The following PTPN21 variants were observed in gnomAD, a reference collection of about 807,000 sequenced individuals.
PTPN21 encodes the protein tyrosine-protein phosphatase non-receptor type 21.
In PTPN21, 77 loss-of-function variants were observed where a neutral mutation model predicts 131.8. That is an observed-to-expected ratio of 0.58 (90% CI 0.49 to 0.71). The LOEUF is 0.71. Ranked by LOEUF, PTPN21 falls within the 30% of genes least tolerant of loss-of-function variation. PTPN21 has a pLI of 0.00. For missense variants in PTPN21, 1,552 were observed against 1,527.1 expected (o/e 1.02, Z -0.27); for synonymous variants, 715 against 621.3 (o/e 1.15, Z -2.24).
intron 6 of PTPN21, among the ~76,000 whole-genome samples, chr14:88,501,938 T>C (rs572987417): frequency 9.9e-5 from 15 of 151,714 alleles, no homozygotes; most frequent in South Asian, 6.3e-4. Context: ...TGAGCTATGA[T>C]CGCTCCACTG....
chr14:88,538,952 A>T (rs1232857897), intron 2 of PTPN21, among the ~76,000 whole-genome samples: 7 of 152,220 alleles, frequency 4.6e-5, no homozygotes, highest in Non-Finnish European at 8.8e-5. Flanking sequence ...GTAATACGAG[A>T]TCTTCTTATC....
Position 88,469,205 on chromosome 14 carries a change from A to G in PTPN21, c.3236-129T>C. 9.9e-7 allele frequency: 1 copy of G among 1,012,926 alleles called. No individual in the cohort carries two copies. Among genetic ancestry groups the G allele is most frequent in the Non-Finnish European group, 1.4e-6 (1 of 703,468 alleles). 62.7% of individuals were successfully genotyped at this position (1,012,926 alleles called of 1,614,324 possible). On this transcript the variant is annotated intron_variant, in intron 17 of 18. Coordinates refer to ENST00000556564, the MANE Select transcript of PTPN21 (RefSeq NM_007039.4). This position sits in a 1 kb window ranked among gnomAD's most constrained non-coding sequence, Gnocchi z 4.3. ...AAGAGCACTGGGTGCCAGTGAACCA[A>G]ACCCAACCACAAAGGGACAGTGTGA...
In PTPN21 at chr14:88,479,853, G is replaced by A. The variant is rs2077618465; in HGVS notation, c.1578C>T (p.Tyr526=). The change falls in exon 13 of 19, where the codon TAC becomes TAT. Residue 526 remains tyrosine, a synonymous_variant. Transcript: ENST00000556564. ...YSFHSPSPYP[Y]PAERRPVVGA... Reference sequence around the variant, plus strand: ...CCACCACGGGCCGCCGCTCGGCAGGGTAGGGGTAGGGAGACGGGCTGTGGA... The same window carrying A: ...CCACCACGGGCCGCCGCTCGGCAGGATAGGGGTAGGGAGACGGGCTGTGGA... 6 of 1,564,694 alleles carry A rather than the reference G, an allele frequency of 3.8e-6. No individual in the cohort carries two copies. Among genetic ancestry groups the A allele is most frequent in the South Asian group, 1.2e-5 (1 of 84,062 alleles).
intron 13 of PTPN21, among the ~76,000 whole-genome samples, chr14:88,476,496 A>G (rs956789852): frequency 3.4e-4 from 51 of 152,160 alleles, no homozygotes. Flanking sequence ...AAACAAATAA[A>G]AGCAAATCTT....
intron 10 of PTPN21, among the ~76,000 whole-genome samples, 192 bp downstream of exon 10, chr14:88,496,221 T>C (rs2077913457): frequency 6.6e-6 from 1 of 152,228 alleles, no homozygotes; most frequent in Non-Finnish European, 1.5e-5. Flanking sequence ...TTCTTGTAAC[T>C]AGTTGAAATA....
In PTPN21 at chr14:88,466,274, A is replaced by C. The variant is rs2077361872; in HGVS notation, c.*1863T>G. On this transcript the variant is annotated 3_prime_UTR_variant, in exon 19 of 19. Coordinates refer to ENST00000556564, the MANE Select transcript of PTPN21 (RefSeq NM_007039.4). The stretch of plus-strand genomic sequence containing the variant: ...AAATGTAATTTTTTAATTTTGTAAA[A>C]TAAAAATGTAAAATTTTAATTTTGT... 6.6e-6 allele frequency: 1 copy of C among 152,180 alleles called. No individual in the cohort carries two copies. The highest frequency in any genetic ancestry group is 6.5e-5 in the Admixed American group (1 of 15,284). 9.4% of individuals were successfully genotyped at this position (152,180 alleles called of 1,614,324 possible). A position where few individuals can be genotyped will look rare whatever the true frequency, so the allele number is the denominator to read the frequency against.
chr14:88,553,646 T>C (rs1159827281), intron 1 of PTPN21, among the ~76,000 whole-genome samples: 1 of 151,908 alleles, frequency 6.6e-6, no homozygotes, highest in Non-Finnish European at 1.5e-5. Flanking sequence ...TTCCGTTTTG[T>C]GGTAAGTAAA....
At chr14:88,488,558 G>A (rs1404422603) in intron 10 of PTPN21, among the ~76,000 whole-genome samples, 1 of 152,182 alleles carries the variant, frequency 6.6e-6, no homozygotes, top group African/African-American at 2.4e-5. Context: ...GTTGGCTGTG[G>A]TTTCCAAACT....
In PTPN21 at chr14:88,479,500, C is replaced by T; in HGVS notation, c.1931G>A (p.Ser644Asn). 6.2e-7 allele frequency: 1 copy of T among 1,601,214 alleles called. No homozygotes were observed. The highest frequency in any genetic ancestry group is 8.5e-7 in the Non-Finnish European group (1 of 1,179,216). Residue 644 changes from serine to asparagine, a missense_variant, in exon 13 of 19, where the codon AGC becomes AAC. By Grantham distance (46) the Ser-to-Asn change is conservative. This residue lies in a region of PTPN21 where 1,016 missense variants were observed against 883.5 expected (regional missense o/e 1.15). Transcript: ENST00000556564. ...GAGCCGCAGGCCCTCCAGGCCGTGG[C>T]TGAGCCCGGCCACCTCGATGCTGTT... Reference protein sequence around the residue: ...KRNSIEVAGLSHGLEGLRLKE... With the variant: ...KRNSIEVAGLNHGLEGLRLKE...
intron 13 of PTPN21, 44 bp downstream of exon 13, chr14:88,478,876 A>C: frequency 7.5e-7 from 1 of 1,334,036 alleles, no homozygotes; most frequent in Non-Finnish European, 9.8e-7. Context: ...CGCCAGGGCG[A>C]ACGCGCGGTC....
chr14:88,476,889 G>T (rs1281773557), intron 13 of PTPN21, among the ~76,000 whole-genome samples: 2 of 152,166 alleles, frequency 1.3e-5, no homozygotes, highest in Non-Finnish European at 2.9e-5. Context: ...TCTTTTAAGA[G>T]AACCAAATTG....
intron 10 of PTPN21, among the ~76,000 whole-genome samples, chr14:88,496,131 G>C (rs779950761): frequency 6.6e-6 from 1 of 152,184 alleles, no homozygotes; most frequent in Non-Finnish European, 1.5e-5. Flanking sequence ...AATCTTTAAT[G>C]ACTCAAAATG....
intron 6 of PTPN21, among the ~76,000 whole-genome samples, chr14:88,501,693 T>C (rs915629315): frequency 3.3e-5 from 5 of 152,036 alleles, no homozygotes; most frequent in African/African-American, 1.2e-4. Context: ...ATCCCAAATA[T>C]CAGGGCTGGG....
At chr14:88,500,668 AT>A in intron 8 of PTPN21, 114 bp downstream of exon 8, 3 of 720,312 alleles carry the variant, frequency 4.2e-6, no homozygotes, top group Non-Finnish European at 7.2e-6. Context: ...AATTATTTCC[AT>A]TTTTTAATGA....
At chr14:88,492,732 T>G (rs1212455476) in intron 10 of PTPN21, among the ~76,000 whole-genome samples, 1 of 152,178 alleles carries the variant, frequency 6.6e-6, no homozygotes, top group Non-Finnish European at 1.5e-5. Flanking sequence ...CTTGTTAGAC[T>G]TTGCCTCCAC....
chr14:88,545,102 T>C (rs1255562681), intron 2 of PTPN21, among the ~76,000 whole-genome samples: 4 of 152,200 alleles, frequency 2.6e-5, no homozygotes, highest in Non-Finnish European at 4.4e-5. Context: ...CCCAAAGTGC[T>C]GGGATTACAC....
intron 3 of PTPN21, among the ~76,000 whole-genome samples, chr14:88,509,649 T>G (rs2139292716): frequency 6.6e-6 from 1 of 152,350 alleles, no homozygotes; most frequent in African/African-American, 2.4e-5. Flanking sequence ...CAGAAGCTTA[T>G]CTGAGGGAGA....
At position 88,469,160 on chromosome 14, in the gene PTPN21, G is replaced by A; in HGVS notation, c.3236-84C>T. On this transcript the variant is annotated intron_variant, in intron 17 of 18. Transcript: ENST00000556564. This position sits in a 1 kb window ranked among gnomAD's most constrained non-coding sequence, Gnocchi z 4.3. ...ACTCAATCTTCATATTCTCTCCACT[G>A]ATTAAGAGGACTGCAGATAAAGAGC... 1.4e-6 allele frequency: 2 copies of A among 1,407,208 alleles called. No homozygotes were observed. The highest frequency in any genetic ancestry group is 1.9e-6 in the Non-Finnish European group (2 of 1,035,634). 87.2% of individuals were successfully genotyped at this position (1,407,208 alleles called of 1,614,324 possible).
At chr14:88,522,278 A>C (rs1347442594) in intron 2 of PTPN21, among the ~76,000 whole-genome samples, 5 of 151,914 alleles carry the variant, frequency 3.3e-5, no homozygotes, top group Non-Finnish European at 5.9e-5. Flanking sequence ...AATACAAAAA[A>C]TTAGCCGGGT....
Sources: allele counts gnomAD v4.1 joint callset (sites outside exome capture counted in the v4.1 genomes callset), GRCh38; gene constraint gnomAD v4.1.1; regional missense constraint gnomAD v4.1.1; non-coding constraint Gnocchi (gnomAD v3.1); transcripts MANE v1.5; gene names NCBI Gene and HGNC (gene_info 2026-07-23, HGNC 2026-07-21).